ESRRG: variants seen among roughly 807,000 people sequenced by gnomAD.
ESRRG encodes estrogen-related receptor gamma.
ESRRG carries 13 observed loss-of-function variants against 44.0 expected under a neutral mutation model. The observed-to-expected ratio is 0.30, with a 90% confidence interval of 0.19 to 0.47. The LOEUF is 0.47. Ranked by LOEUF, ESRRG falls within the 20% of genes least tolerant of loss-of-function variation. The probability of loss-of-function intolerance (pLI) is 1.00; values close to 1 mark genes in which losing one functional copy is unlikely to be tolerated. For synonymous variants in ESRRG, 215 were observed against 214.6 expected (o/e 1.00, Z -0.02); for missense variants, 395 against 580.6 (o/e 0.68, Z 3.29).
At chr1:216,932,175 G>A (rs528785949) in intron 2 of ESRRG, among the ~76,000 whole-genome samples, 84 of 152,184 alleles carry the variant, frequency 5.5e-4, no homozygotes, top group Admixed American at 4.6e-4. Context: ...CTGCATTCCA[G>A]CTTGGGAGAC....
intron 1 of ESRRG, among the ~76,000 whole-genome samples, chr1:217,108,531 G>A (rs1349258896): frequency 6.6e-6 from 1 of 152,080 alleles, no homozygotes; most frequent in African/African-American, 2.4e-5. Flanking sequence ...TTGGTGTGAG[G>A]TGATTGGATC....
At chr1:216,707,623 A>C in intron 1 of ESRRG, 7 of 862,934 alleles carry the variant, frequency 8.1e-6, no homozygotes, top group Non-Finnish European at 1.2e-5. Context: ...GGTATGAAAA[A>C]TCCCATTTTT....
At chr1:216,995,509 T>C (rs1258083767) in intron 1 of ESRRG, among the ~76,000 whole-genome samples, 1 of 152,196 alleles carries the variant, frequency 6.6e-6, no homozygotes, top group Non-Finnish European at 1.5e-5. Context: ...GTAAGAAGCA[T>C]GCTTCCAATG....
At chr1:216,866,402 G>T (rs1360876173) in intron 2 of ESRRG, among the ~76,000 whole-genome samples, 2 of 151,982 alleles carry the variant, frequency 1.3e-5, no homozygotes, top group Non-Finnish European at 2.9e-5. Context: ...TATCAATATT[G>T]AAATATATAT....
intron 1 of ESRRG, among the ~76,000 whole-genome samples, chr1:217,102,721 T>C (rs573738952): frequency 1.3e-5 from 2 of 152,354 alleles, no homozygotes; most frequent in African/African-American, 4.8e-5. Flanking sequence ...TAATCCATCA[T>C]TCACAGGTAA....
chr1:216,714,469 C>T, intron 1 of ESRRG: 1 of 396,844 alleles, frequency 2.5e-6, no homozygotes, highest in South Asian at 1.0e-4. Context: ...CAGAGAAGTT[C>T]TATAATGTAA....
chr1:217,000,719 T>G (rs1427462968), intron 1 of ESRRG: 1 of 152,162 alleles, frequency 6.6e-6, no homozygotes, highest in African/African-American at 2.4e-5. Context: ...TGTAGCAACA[T>G]CGTCACTGGA....
At chr1:216,532,854 A>T (rs574354117) in intron 5 of ESRRG, among the ~76,000 whole-genome samples, 30 of 152,324 alleles carry the variant, frequency 2.0e-4, no homozygotes, top group Non-Finnish European at 4.1e-4. Context: ...TGACGGGAAC[A>T]AATATCCAGA....
chr1:217,069,015 T>C (rs567495823), intron 1 of ESRRG, among the ~76,000 whole-genome samples: 1 of 152,348 alleles, frequency 6.6e-6, no homozygotes, highest in Admixed American at 6.5e-5. Flanking sequence ...GTCAACTTGA[T>C]TGGATTCAAG....
At chr1:216,923,236 G>C (rs1009803175) in intron 2 of ESRRG, among the ~76,000 whole-genome samples, 1 of 152,168 alleles carries the variant, frequency 6.6e-6, no homozygotes, top group South Asian at 2.1e-4. Context: ...ATGCAGCCAA[G>C]CTAATTCTGA....
At chr1:216,844,237 G>T (rs919199064) in intron 2 of ESRRG, among the ~76,000 whole-genome samples, 1 of 151,980 alleles carries the variant, frequency 6.6e-6, no homozygotes, top group Non-Finnish European at 1.5e-5. Flanking sequence ...CTCTTTCTGA[G>T]GTTGGTTAAA....
chr1:216,527,955 G>A (rs1572333708), intron 5 of ESRRG, among the ~76,000 whole-genome samples: 1 of 152,234 alleles, frequency 6.6e-6, no homozygotes, highest in Non-Finnish European at 1.5e-5. Flanking sequence ...TCTTCAGGGT[G>A]GAGATCTCTG....
At chr1:216,937,001 G>A (rs1229183810) in intron 2 of ESRRG, among the ~76,000 whole-genome samples, 1 of 151,922 alleles carries the variant, frequency 6.6e-6, no homozygotes, top group East Asian at 1.9e-4. Context: ...CCTGCAGACT[G>A]GCCACACTTG....
At chr1:216,809,694 C>T (rs1030722159) in intron 2 of ESRRG, among the ~76,000 whole-genome samples, 14 of 152,130 alleles carry the variant, frequency 9.2e-5, no homozygotes, top group African/African-American at 3.1e-4. Flanking sequence ...AAAGCAACGT[C>T]TTCACCAGCC....
At chr1:216,577,688 T>C (rs2061935262) in intron 3 of ESRRG, among the ~76,000 whole-genome samples, 1 of 152,080 alleles carries the variant, frequency 6.6e-6, no homozygotes. Context: ...CACAGTCACT[T>C]TGGTTCATTT....
chr1:216,787,480 G>A (rs144705953), intron 2 of ESRRG, among the ~76,000 whole-genome samples: 29 of 151,606 alleles, frequency 1.9e-4, no homozygotes, highest in African/African-American at 5.3e-4. Context: ...GCACACACCT[G>A]TAGTCCCAGC....
intron 2 of ESRRG, among the ~76,000 whole-genome samples, chr1:216,926,628 CT>C (rs1257557652): frequency 6.6e-6 from 1 of 152,150 alleles, no homozygotes; most frequent in African/African-American, 2.4e-5. Flanking sequence ...CAACTAGCTA[CT>C]TTTTTTGTGG....
intron 1 of ESRRG, among the ~76,000 whole-genome samples, chr1:217,133,452 T>C (rs539107557): frequency 3.3e-5 from 5 of 152,264 alleles, no homozygotes; most frequent in Non-Finnish European, 7.3e-5. Flanking sequence ...TGGCCAATAC[T>C]TGAGCGACGC....
chr1:216,875,116 C>T (rs1559947529), intron 2 of ESRRG, among the ~76,000 whole-genome samples: 1 of 152,188 alleles, frequency 6.6e-6, no homozygotes, highest in Non-Finnish European at 1.5e-5. Context: ...AGTCAATTCT[C>T]CTTAATAAGC....
Sources: gnomAD v4.1 joint callset for allele counts (sites outside exome capture counted in the v4.1 genomes callset) on GRCh38, gnomAD v4.1.1 for gene constraint, MANE v1.5 for transcripts, NCBI Gene and HGNC (gene_info 2026-07-23, HGNC 2026-07-21) for gene names.